MAGI3: variants seen among roughly 807,000 people sequenced by gnomAD.
MAGI3 encodes the protein membrane associated guanylate kinase, WW and PDZ domain containing 3, also known as membrane-associated guanylate kinase, WW and PDZ domain-containing protein 3.
A neutral mutation model predicts 121.8 loss-of-function variants in MAGI3; 43 were observed. The ratio of observed to expected loss-of-function variants is 0.35; its 90% confidence interval spans 0.28 to 0.46. MAGI3 has a LOEUF of 0.46. Among genes scored for constraint, MAGI3 ranks in the 20% least tolerant of loss-of-function variants. MAGI3 has a pLI of 1.00. For synonymous variants in MAGI3, 553 were observed against 639.3 expected (o/e 0.86, Z 2.04); for missense variants, 1,547 against 1,797.3 (o/e 0.86, Z 2.52).
intron 1 of MAGI3, among the ~76,000 whole-genome samples, chr1:113,492,922 A>T (rs535684721): frequency 1.1e-4 from 16 of 152,350 alleles, no homozygotes; most frequent in African/African-American, 3.6e-4. Context: ...AAAACATTTT[A>T]TGCTCATGGA....
At chr1:113,473,235 A>ATT (rs112531569) in intron 1 of MAGI3, among the ~76,000 whole-genome samples, 1 of 150,274 alleles carries the variant, frequency 6.7e-6, no homozygotes, top group African/African-American at 2.4e-5. Context: ...TGGTTGACAC[A>ATT]TTTTTTTTTC....
intron 16 of MAGI3, among the ~76,000 whole-genome samples, chr1:113,670,761 G>A (rs1647501808): frequency 6.6e-6 from 1 of 152,150 alleles, no homozygotes; most frequent in Non-Finnish European, 1.5e-5. Context: ...AACCCAGTGA[G>A]ATAACTGTAT....
rs1174780394 is a variant in MAGI3 at position 113,614,595 on chromosome 1, T to C, written c.1019-6T>C. The C allele has an allele frequency of 6.2e-7, 1 of 1,606,078 alleles. No individual in the cohort carries two copies. Among genetic ancestry groups the C allele is most frequent in the African/African-American group, 1.3e-5 (1 of 74,690 alleles). On this transcript the variant is annotated splice_region_variant and splice_polypyrimidine_tract_variant and intron_variant, in intron 6 of 20. Coordinates refer to ENST00000307546, the MANE Select transcript of MAGI3 (RefSeq NM_001142782.2). ...TGGCATTTCACTCAATTTTCTTTAT[T>C]TACAGAGCTTCCTTATGGCTGGGAG...
At chr1:113,621,105 A>G (rs1392773331) in intron 8 of MAGI3, among the ~76,000 whole-genome samples, 1 of 152,206 alleles carries the variant, frequency 6.6e-6, no homozygotes, top group African/African-American at 2.4e-5. Flanking sequence ...GGTCTTGAAA[A>G]GTCAGGAAAA....
intron 1 of MAGI3, among the ~76,000 whole-genome samples, chr1:113,480,543 C>G (rs1045788417): frequency 6.6e-6 from 1 of 152,166 alleles, no homozygotes. Flanking sequence ...TAGACATTGA[C>G]CTGGTGCTAA....
chr1:113,553,108 G>C (rs989570735), intron 2 of MAGI3, among the ~76,000 whole-genome samples: 1 of 152,190 alleles, frequency 6.6e-6, no homozygotes, highest in African/African-American at 2.4e-5. Context: ...ATTATTGTCA[G>C]ATATTGAGCT....
intron 10 of MAGI3, 119 bp downstream of exon 10, chr1:113,642,635 A>G: frequency 8.8e-7 from 1 of 1,130,186 alleles, no homozygotes; most frequent in Non-Finnish European, 1.2e-6. Context: ...ATTAGTGTGC[A>G]TTTTCCTTAA....
At chr1:113,564,874 G>C (rs967860796) in intron 2 of MAGI3, among the ~76,000 whole-genome samples, 4 of 151,808 alleles carry the variant, frequency 2.6e-5, no homozygotes, top group Non-Finnish European at 5.9e-5. Context: ...TTTTGAGACA[G>C]AGTCTTGCTC....
At chr1:113,675,354 G>C (rs1490590927) in intron 19 of MAGI3, among the ~76,000 whole-genome samples, 2 of 152,202 alleles carry the variant, frequency 1.3e-5, no homozygotes, top group African/African-American at 2.4e-5. Flanking sequence ...TTAAATGAGG[G>C]ATGAAGGAAA....
Position 113,642,131 on chromosome 1 carries a change from T to A in MAGI3, c.1581T>A (p.Asn527Lys). The change falls in exon 10 of 21, where the codon AAT becomes AAA. Residue 527 changes from asparagine (N) to lysine (K), a missense_variant. Transcript: ENST00000307546. ...TAACCAAGGGAGAGACTTGCATGAATCCTCAGGATTTTAAGCCAGGAGCAA... is the reference window on the plus strand; with the variant it reads ...TAACCAAGGGAGAGACTTGCATGAAACCTCAGGATTTTAAGCCAGGAGCAA... ...QSLTKGETCM[N>K]PQDFKPGAMV... The A allele has an allele frequency of 6.2e-7, 1 of 1,614,144 alleles. No homozygotes were observed. The highest frequency in any genetic ancestry group is 1.1e-5 in the South Asian group (1 of 91,082).
chr1:113,468,758 A>G (rs911657702), intron 1 of MAGI3, among the ~76,000 whole-genome samples: 1 of 152,210 alleles, frequency 6.6e-6, no homozygotes, highest in African/African-American at 2.4e-5. Context: ...AATTATTAAA[A>G]TAATTTCACC....
chr1:113,440,742 C>T (rs764510975), intron 1 of MAGI3, among the ~76,000 whole-genome samples: 2 of 152,090 alleles, frequency 1.3e-5, no homozygotes, highest in Non-Finnish European at 2.9e-5. Flanking sequence ...GATGATGATG[C>T]TATGTGATGA....
At chr1:113,524,254 G>A (rs1204134690) in intron 1 of MAGI3, among the ~76,000 whole-genome samples, 1 of 152,128 alleles carries the variant, frequency 6.6e-6, no homozygotes, top group East Asian at 1.9e-4. Flanking sequence ...ATGTGGGGTG[G>A]GTATGCCCAC....
chr1:113,559,529 A>G (rs564167426), intron 2 of MAGI3, among the ~76,000 whole-genome samples: 1 of 152,164 alleles, frequency 6.6e-6, no homozygotes, highest in Admixed American at 6.5e-5. Context: ...CTAAATATAT[A>G]TGCTCCCGAT....
intron 1 of MAGI3, among the ~76,000 whole-genome samples, chr1:113,527,460 G>T (rs929050927): frequency 2.0e-5 from 3 of 152,128 alleles, no homozygotes; most frequent in Non-Finnish European, 4.4e-5. Flanking sequence ...AGGGAGAAAG[G>T]CATATAAAAG....
chr1:113,589,643 T>C (rs962817902), intron 4 of MAGI3, among the ~76,000 whole-genome samples: 41 of 152,068 alleles, frequency 2.7e-4, no homozygotes, highest in African/African-American at 9.7e-4. Flanking sequence ...GTTGAAATAC[T>C]ATAGAGAAGG....
intron 6 of MAGI3, 63 bp downstream of exon 6, chr1:113,594,623 T>C: frequency 6.3e-6 from 9 of 1,420,446 alleles, no homozygotes; most frequent in Non-Finnish European, 7.8e-6. Context: ...CTCTTCTTGC[T>C]CAGATAATGG....
At chr1:113,646,372 C>A in intron 11 of MAGI3, 114 bp from the exon 12 acceptor site, 1 of 771,784 alleles carries the variant, frequency 1.3e-6, no homozygotes, top group Non-Finnish European at 2.0e-6. Flanking sequence ...GTCTTTGATC[C>A]TGCCACCTAT....
intron 6 of MAGI3, among the ~76,000 whole-genome samples, chr1:113,600,445 C>G (rs998377530): frequency 6.6e-6 from 1 of 151,048 alleles, no homozygotes; most frequent in African/African-American, 2.4e-5. Context: ...AACAGAGAGC[C>G]AAATCATGAG....
Sources: allele counts gnomAD v4.1 joint callset (sites outside exome capture counted in the v4.1 genomes callset), GRCh38; gene constraint gnomAD v4.1.1; transcripts MANE v1.5; gene names NCBI Gene and HGNC (gene_info 2026-07-23, HGNC 2026-07-21).